ABL1: variants seen among roughly 807,000 people sequenced by gnomAD.
ABL1 encodes the protein ABL proto-oncogene 1, non-receptor tyrosine kinase.
In ABL1, 11 loss-of-function variants were observed where a neutral mutation model predicts 94.7. That is an observed-to-expected ratio of 0.12 (90% CI 0.07 to 0.19). The LOEUF is 0.19. Ranked by LOEUF, ABL1 falls within the 10% of genes least tolerant of loss-of-function variation. The probability of loss-of-function intolerance (pLI) is 1.00; values close to 1 mark genes in which losing one functional copy is unlikely to be tolerated. For missense variants in ABL1, 1,082 were observed against 1,489.4 expected (o/e 0.73, Z 4.50); for synonymous variants, 656 against 622.4 (o/e 1.05, Z -0.80).
At chr9:130,782,482 C>T (rs1829768463) in intron 1 of ABL1, among the ~76,000 whole-genome samples, 1 of 152,142 alleles carries the variant, frequency 6.6e-6, no homozygotes, top group South Asian at 2.1e-4. Flanking sequence ...AATTTAGAGC[C>T]TGGGGCTCCA....
At chr9:130,790,989 T>C (rs1206300039) in intron 1 of ABL1, among the ~76,000 whole-genome samples, 2 of 152,214 alleles carry the variant, frequency 1.3e-5, no homozygotes, top group African/African-American at 4.8e-5. Context: ...GGGCCTCTCT[T>C]GGAACAGGTT....
chr9:130,729,098 T>C (rs1307236875), intron 1 of ABL1, among the ~76,000 whole-genome samples: 3 of 152,224 alleles, frequency 2.0e-5, no homozygotes, highest in Non-Finnish European at 4.4e-5. Context: ...TATGGGTTTA[T>C]CCTTGGTCCA....
At chr9:130,846,998 C>G (rs1235323526) in intron 1 of ABL1, among the ~76,000 whole-genome samples, 1 of 151,886 alleles carries the variant, frequency 6.6e-6, no homozygotes, top group Admixed American at 6.6e-5. Flanking sequence ...TATAAAATTT[C>G]CAAATAATTT....
chr9:130,838,778 A>C (rs1830626131), intron 1 of ABL1, among the ~76,000 whole-genome samples: 1 of 152,048 alleles, frequency 6.6e-6, no homozygotes, highest in Admixed American at 6.6e-5. Flanking sequence ...TTTTCATTTT[A>C]TTTTCATTTG....
At chr9:130,828,565 A>G (rs113270067) in intron 1 of ABL1, among the ~76,000 whole-genome samples, 4 of 152,298 alleles carry the variant, frequency 2.6e-5, no homozygotes, top group African/African-American at 7.2e-5. Flanking sequence ...TGAGAGAACA[A>G]TAAGAGAGAA....
In ABL1 at chr9:130,835,397, G is replaced by A. The variant is rs1445103522; in HGVS notation, c.-50G>A. ...CGAGCCGGGCCTGAGCCGGGCCCGCGGACCGAGCTGGGAGAGGGGTTCCGG... is the reference window on the plus strand; with the variant it reads ...CGAGCCGGGCCTGAGCCGGGCCCGCAGACCGAGCTGGGAGAGGGGTTCCGG... On this transcript the variant is annotated 5_prime_UTR_variant, in exon 1 of 11. Coordinates refer to ENST00000318560, the MANE Select transcript of ABL1 (RefSeq NM_005157.6). This position sits in a 1 kb window ranked among gnomAD's most constrained non-coding sequence, Gnocchi z 4.6. 9 of 1,365,322 alleles carry A rather than the reference G, an allele frequency of 6.6e-6. No individual in the cohort carries two copies. The highest frequency in any genetic ancestry group is 2.5e-4 in the Middle Eastern group (1 of 3,968). 84.6% of individuals were successfully genotyped at this position (1,365,322 alleles called of 1,614,324 possible).
At chr9:130,856,423 T>C (rs1830976537) in intron 3 of ABL1, among the ~76,000 whole-genome samples, 1 of 152,126 alleles carries the variant, frequency 6.6e-6, no homozygotes, top group Non-Finnish European at 1.5e-5. Context: ...GGTCTCGCCA[T>C]GTCGCCCAGG....
In ABL1 at chr9:130,872,946, C is replaced by A. The variant is rs779478267; in HGVS notation, c.994C>A (p.Arg332=). ...CCTGGACTACCTGAGGGAGTGCAACCGGCAGGAGGTGAACGCCGTGGTGCT... is the reference window on the plus strand; with the variant it reads ...CCTGGACTACCTGAGGGAGTGCAACAGGCAGGAGGTGAACGCCGTGGTGCT... ...NLLDYLRECN[R]QEVNAVVLLY... Residue 332 remains arginine (R), a synonymous_variant, in exon 6 of 11, where the codon CGG becomes AGG. Coordinates refer to ENST00000318560, the MANE Select transcript of ABL1 (RefSeq NM_005157.6). The surrounding 1 kb of genome is among the most constrained non-coding windows in gnomAD (Gnocchi z 5.0). 1.2e-6 allele frequency: 2 copies of A among 1,614,056 alleles called. No individual in the cohort carries two copies. Among genetic ancestry groups the A allele is most frequent in the East Asian group, 4.5e-5 (2 of 44,900 alleles).
intron 1 of ABL1, among the ~76,000 whole-genome samples, chr9:130,808,725 C>T (rs937957588): frequency 6.6e-6 from 1 of 152,184 alleles, no homozygotes; most frequent in African/African-American, 2.4e-5. Context: ...ACTCTGATGA[C>T]TCCCACATTT....
rs2132697384 is a variant in ABL1 at position 130,733,077 on chromosome 9, G to C, written c.136+18622G>C. ...ATAAGAGGATGGAGCCATAATCTGA[G>C]GATGCCTGTCTTGTTTGCTCTTTGG... On this transcript the variant is annotated intron_variant, in intron 1 of 10. Coordinates refer to the ABL1 transcript ENST00000372348. Among the ~76,000 whole-genome samples the C allele has an allele frequency of 2.0e-5, 3 of 152,322 alleles. No individual in the cohort carries two copies. The Middle Eastern group carries it at 0.01, about 518-fold the overall frequency.
chr9:130,865,484 C>T (rs535454907), intron 4 of ABL1, among the ~76,000 whole-genome samples: 62 of 152,270 alleles, frequency 4.1e-4, no homozygotes, highest in African/African-American at 1.4e-3. Flanking sequence ...CGGTGGCTTA[C>T]GCCTGTAATC....
intron 1 of ABL1, among the ~76,000 whole-genome samples, chr9:130,792,066 A>G (rs1829915329): frequency 6.6e-6 from 1 of 152,174 alleles, no homozygotes; most frequent in Non-Finnish European, 1.5e-5. Flanking sequence ...TTGGTTCAGA[A>G]CCAAGCCTAG....
chr9:130,723,410 A>G (rs1831540094), intron 1 of ABL1, among the ~76,000 whole-genome samples: 1 of 152,148 alleles, frequency 6.6e-6, no homozygotes, highest in Admixed American at 6.5e-5. Flanking sequence ...GCTAGGCATA[A>G]TAATGTCCTG....
At chr9:130,721,572 T>C (rs772415866) in intron 1 of ABL1, among the ~76,000 whole-genome samples, 1 of 151,806 alleles carries the variant, frequency 6.6e-6, no homozygotes, top group Non-Finnish European at 1.5e-5. Context: ...TAGCTGGGCG[T>C]GGTGGTACAC....
chr9:130,848,046 C>A lies in ABL1; in HGVS notation c.80-6018C>A, dbSNP rs529027910. Among the ~76,000 whole-genome samples the A allele has an allele frequency of 1.7e-4, 26 of 152,258 alleles. No homozygotes were observed. In the South Asian group the frequency reaches 4.4e-3, roughly 26 times the overall value. On this transcript the variant is annotated intron_variant, in intron 1 of 10. Coordinates refer to ENST00000318560, the MANE Select transcript of ABL1 (RefSeq NM_005157.6). The stretch of plus-strand genomic sequence containing the variant: ...TTGAGAAGAAAAGCATTTCTGTATT[C>A]ATGACTTTGGTTTAATTTCCTGTGT...
At chr9:130,852,413 G>C (rs1830883263) in intron 1 of ABL1, among the ~76,000 whole-genome samples, 1 of 152,020 alleles carries the variant, frequency 6.6e-6, no homozygotes, top group South Asian at 2.1e-4. Context: ...GTGTTGCCCA[G>C]GTTGGTTTTG....
At chr9:130,767,070 C>G (rs1832192515) in intron 1 of ABL1, among the ~76,000 whole-genome samples, 1 of 152,142 alleles carries the variant, frequency 6.6e-6, no homozygotes, top group African/African-American at 2.4e-5. Context: ...CACTCAGCTT[C>G]TGGTGCCTGG....
chr9:130,714,255 A>G (rs1831407401), exon 1 of ABL1: 2 of 1,485,944 alleles, frequency 1.3e-6, no homozygotes, highest in Admixed American at 2.4e-5. Context: ...ATTTCCCTCT[A>G]CGCTCGCTGA....
chr9:130,862,852 C>T lies in ABL1; in HGVS notation c.639C>T (p.Leu213=). 1 of 1,614,112 alleles carries T rather than the reference C, an allele frequency of 6.2e-7. No individual in the cohort carries two copies. Among genetic ancestry groups the T allele is most frequent in the Non-Finnish European group, 8.5e-7 (1 of 1,180,020 alleles). The change falls in exon 4 of 11, where the codon CTC becomes CTT. Residue 213 remains leucine, a synonymous_variant. Coordinates refer to ENST00000318560, the MANE Select transcript of ABL1 (RefSeq NM_005157.6). This position sits in a 1 kb window ranked among gnomAD's most constrained non-coding sequence, Gnocchi z 5.5. ...TGGCCGACGGGCTCATCACCACGCT[C>T]CATTATCCAGCCCCAAAGCGCAACA... The part of the protein sequence containing the change: ...STVADGLITT[L]HYPAPKRNKP...
Sources: allele counts gnomAD v4.1 joint callset (sites outside exome capture counted in the v4.1 genomes callset), GRCh38; gene constraint gnomAD v4.1.1; non-coding constraint Gnocchi (gnomAD v3.1); transcripts MANE v1.5; gene names NCBI Gene and HGNC (gene_info 2026-07-23, HGNC 2026-07-21).